The following ADGRG7 variants were observed in gnomAD, a reference collection of about 807,000 sequenced individuals.
ADGRG7 encodes G-protein coupled receptor 128.
Under a neutral mutation model 88.6 loss-of-function variants are expected in ADGRG7, and 82 were observed. The ratio of observed to expected loss-of-function variants is 0.93; its 90% CI spans 0.77 to 1.11. The LOEUF (loss-of-function observed/expected upper bound fraction) is 1.11. Ranked by LOEUF, ADGRG7 falls within the 50% of genes most tolerant of loss-of-function variation. ADGRG7 has a pLI of 0.00. For synonymous variants in ADGRG7, 381 were observed against 345.2 expected (o/e 1.10, Z -1.15); for missense variants, 945 against 953.4 (o/e 0.99, Z 0.12).
At chr3:100,655,302 TA>T in intron 12 of ADGRG7, 121 bp downstream of exon 12, 1 of 678,808 alleles carries the variant, frequency 1.5e-6, no homozygotes, top group South Asian at 2.1e-5. Flanking sequence ...ATAGAAAATA[TA>T]GTGATTGCTA....
chr3:100,630,808 TG>T lies in ADGRG7; in HGVS notation c.334+1del. On this transcript the variant is annotated frameshift_variant and splice_region_variant, in exon 3 of 16. Coordinates refer to ENST00000273352, the MANE Select transcript of ADGRG7 (RefSeq NM_032787.3). LOFTEE classifies it high-confidence loss of function. ...LQTCGKDTPN[A>X]GNPMAVRLCS... ...AAACATGTGGCAAGGATACTCCAAATGGTATGTGTTTTCCCAAACATTTACT... is the reference window on the plus strand; with the variant it reads ...AAACATGTGGCAAGGATACTCCAAATGTATGTGTTTTCCCAAACATTTACT... 6.9e-7 allele frequency: 1 copy of T among 1,448,440 alleles called. No individual in the cohort carries two copies. The highest frequency in any genetic ancestry group is 9.2e-7 in the Non-Finnish European group (1 of 1,089,684). 89.7% of individuals were successfully genotyped at this position (1,448,440 alleles called of 1,614,324 possible).
intron 15 of ADGRG7, among the ~76,000 whole-genome samples, chr3:100,693,841 C>T (rs1979895): frequency 0.1 from 15,810 of 152,198 alleles, 1,022 homozygotes; most frequent in Non-Finnish European, 0.15. Flanking sequence ...GCTATTTCAT[C>T]TGTCATTTCC....
At chr3:100,689,998 A>G (rs893906086) in intron 15 of ADGRG7, among the ~76,000 whole-genome samples, 3 of 152,154 alleles carry the variant, frequency 2.0e-5, no homozygotes, top group Non-Finnish European at 4.4e-5. Flanking sequence ...TCTCCCCGTC[A>G]CTTTCAGGTA....
chr3:100,614,806 T>C (rs1707201768), intron 1 of ADGRG7, among the ~76,000 whole-genome samples: 1 of 152,200 alleles, frequency 6.6e-6, no homozygotes, highest in Admixed American at 6.5e-5. Context: ...TTAATATTAT[T>C]TTATGCTACT....
At chr3:100,637,987 C>T (rs1009642007) in intron 6 of ADGRG7, among the ~76,000 whole-genome samples, 6 of 152,192 alleles carry the variant, frequency 3.9e-5, no homozygotes, top group Admixed American at 6.5e-5. Context: ...CTGTCAGGAG[C>T]GAACTCTGTG....
chr3:100,665,367 T>G (rs1389087591), intron 14 of ADGRG7: 3 of 540,534 alleles, frequency 5.6e-6, no homozygotes, highest in Non-Finnish European at 1.1e-5. Context: ...GCGTTTATCC[T>G]TCAATCTTCA....
At chr3:100,679,279 CCACTGATGTT>C (rs1219825463) in intron 15 of ADGRG7, among the ~76,000 whole-genome samples, 1 of 152,218 alleles carries the variant, frequency 6.6e-6, no homozygotes, top group East Asian at 1.9e-4. Context: ...TGCCTGGCTA[CCACTGATGTT>C]CACTCAAAGC....
In ADGRG7 at chr3:100,669,012, A is replaced by G. The variant is rs2094954966; in HGVS notation, c.2043A>G (p.Gly681=). ...VSTLSVAVVF[G]ITWILAYLML... is the part of the protein sequence containing the mutation. The stretch of plus-strand genomic sequence containing the variant: ...CATTATCTGTTGCAGTTGTTTTTGG[A>G]ATTACCTGGATTCTAGCATACCTGA... Residue 681 remains glycine, a synonymous_variant, in exon 15 of 16, where the codon GGA becomes GGG. Transcript: ENST00000273352. 2 of 1,606,990 alleles carry G rather than the reference A, an allele frequency of 1.2e-6. No individual in the cohort carries two copies. The highest frequency in any genetic ancestry group is 1.1e-5 in the South Asian group (1 of 88,802).
chr3:100,623,159 C>A (rs1318251220), intron 1 of ADGRG7, among the ~76,000 whole-genome samples: 3 of 151,990 alleles, frequency 2.0e-5, no homozygotes, highest in Non-Finnish European at 4.4e-5. Flanking sequence ...CTTTTGTGTC[C>A]TTTAAAAAAC....
chr3:100,685,526 C>A (rs2094980588), intron 15 of ADGRG7, among the ~76,000 whole-genome samples: 1 of 152,086 alleles, frequency 6.6e-6, no homozygotes, highest in Admixed American at 6.6e-5. Context: ...CCCTTCCCCT[C>A]CCCGCACCCC....
intron 15 of ADGRG7, among the ~76,000 whole-genome samples, chr3:100,670,983 G>A (rs1431727428): frequency 6.6e-6 from 1 of 152,148 alleles, no homozygotes; most frequent in African/African-American, 2.4e-5. Context: ...CCAAGTCTTT[G>A]CTATTGTGAA....
At chr3:100,650,930 T>C (rs926769838) in intron 11 of ADGRG7, among the ~76,000 whole-genome samples, 1 of 152,216 alleles carries the variant, frequency 6.6e-6, no homozygotes, top group East Asian at 1.9e-4. Flanking sequence ...TACTTCCCAG[T>C]GTAGCCAGAG....
chr3:100,668,171 A>G (rs764987770), intron 14 of ADGRG7, among the ~76,000 whole-genome samples: 1 of 152,132 alleles, frequency 6.6e-6, no homozygotes, highest in Non-Finnish European at 1.5e-5. Flanking sequence ...AAATGCAGAA[A>G]TCATCTGCCT....
chr3:100,668,310 G>A (rs1030335341), intron 14 of ADGRG7, among the ~76,000 whole-genome samples: 7 of 152,192 alleles, frequency 4.6e-5, no homozygotes, highest in African/African-American at 1.7e-4. Context: ...GTTCAGTTGG[G>A]AAAGCTCATC....
intron 1 of ADGRG7, among the ~76,000 whole-genome samples, chr3:100,624,973 GC>G (rs1707362856): frequency 6.6e-6 from 1 of 152,136 alleles, no homozygotes; most frequent in African/African-American, 2.4e-5. Context: ...GTAGCATGAT[GC>G]CTCCAGCTTT....
chr3:100,659,881 C>T (rs774355580), intron 14 of ADGRG7, 38 bp downstream of exon 14: 2 of 1,599,742 alleles, frequency 1.3e-6, no homozygotes, highest in Non-Finnish European at 1.7e-6. Flanking sequence ...CCAGGCAAGG[C>T]TCATCCAGCA....
intron 11 of ADGRG7, among the ~76,000 whole-genome samples, chr3:100,652,656 T>C (rs1020297689): frequency 6.6e-6 from 1 of 152,184 alleles, no homozygotes; most frequent in Non-Finnish European, 1.5e-5. Context: ...AAATCAACTT[T>C]ATTAAGAGAA....
At chr3:100,686,708 A>G (rs1196137459) in intron 15 of ADGRG7, among the ~76,000 whole-genome samples, 7 of 152,096 alleles carry the variant, frequency 4.6e-5, no homozygotes, top group Admixed American at 1.3e-4. Context: ...TTATTTCTGA[A>G]GGCTCTGTTC....
chr3:100,671,959 C>G lies in ADGRG7; in HGVS notation c.2136+2854C>G, dbSNP rs559685625. Reference sequence around the variant, plus strand: ...TACCATGCTGTTTTGGTTACTGTAGCCTTGTAGCATAGTTTGAAGTCAGGT... The same window carrying G: ...TACCATGCTGTTTTGGTTACTGTAGGCTTGTAGCATAGTTTGAAGTCAGGT... On this transcript the variant is annotated intron_variant, in intron 15 of 15. Coordinates refer to ENST00000273352, the MANE Select transcript of ADGRG7 (RefSeq NM_032787.3). Among the ~76,000 whole-genome samples the G allele has an allele frequency of 2.0e-5, 3 of 152,230 alleles. No homozygotes were observed. In the South Asian group the frequency reaches 6.2e-4, roughly 32 times the overall value.
Sources: allele counts gnomAD v4.1 joint callset (sites outside exome capture counted in the v4.1 genomes callset), GRCh38; gene constraint gnomAD v4.1.1; transcripts MANE v1.5; gene names NCBI Gene and HGNC (gene_info 2026-07-23, HGNC 2026-07-21).